Variants in VWC2 observed in about 807,000 individuals in gnomAD.
VWC2 encodes the protein brorin.
Under a neutral mutation model 29.8 loss-of-function variants are expected in VWC2, and 14 were observed. The ratio of observed to expected loss-of-function variants is 0.47; its 90% CI spans 0.31 to 0.74. VWC2 has a LOEUF of 0.74. Among genes scored for constraint, VWC2 ranks in the 30% least tolerant of loss-of-function variants. VWC2 has a pLI of 0.05. For missense variants in VWC2, 457 were observed against 459.8 expected (o/e 0.99, Z 0.05); for synonymous variants, 213 against 199.0 (o/e 1.07, Z -0.59).
intron 3 of VWC2, among the ~76,000 whole-genome samples, chr7:49,814,054 A>C (rs1789074131): frequency 6.6e-6 from 1 of 152,218 alleles, no homozygotes; most frequent in Admixed American, 6.5e-5. Context: ...AACATAAGTC[A>C]AGAACTCTAC....
intron 3 of VWC2, among the ~76,000 whole-genome samples, chr7:49,862,300 CT>C (rs147122195): frequency 6.6e-6 from 1 of 152,004 alleles, no homozygotes; most frequent in Non-Finnish European, 1.5e-5. Context: ...GAAAAACAGC[CT>C]TTTTTTGTGT....
intron 3 of VWC2, among the ~76,000 whole-genome samples, chr7:49,852,849 T>C (rs1373190340): frequency 6.6e-6 from 1 of 152,200 alleles, no homozygotes. Flanking sequence ...AGTGACTGGC[T>C]CCTTGAACTA....
intron 3 of VWC2, among the ~76,000 whole-genome samples, chr7:49,851,031 C>T (rs939297326): frequency 6.6e-6 from 1 of 152,190 alleles, no homozygotes; most frequent in African/African-American, 2.4e-5. Flanking sequence ...GGCCAGAAGT[C>T]TAAAGTAGAT....
intron 2 of VWC2, among the ~76,000 whole-genome samples, chr7:49,786,032 A>T (rs1221376688): frequency 2.0e-5 from 3 of 152,176 alleles, no homozygotes; most frequent in African/African-American, 7.2e-5. Flanking sequence ...GGTATTTGTT[A>T]CCTGGGTATA....
chr7:49,869,380 G>A (rs1216757144), intron 3 of VWC2, among the ~76,000 whole-genome samples: 1 of 152,182 alleles, frequency 6.6e-6, no homozygotes, highest in Non-Finnish European at 1.5e-5. Flanking sequence ...TGGCCAGGAG[G>A]AGAAGGGGAG....
At chr7:49,836,261 T>C (rs1440516410) in intron 3 of VWC2, among the ~76,000 whole-genome samples, 1 of 152,138 alleles carries the variant, frequency 6.6e-6, no homozygotes, top group Non-Finnish European at 1.5e-5. Context: ...ATGTGTAGGC[T>C]GATGGTTTGC....
intron 3 of VWC2, 145 bp from the exon 4 acceptor site, chr7:49,911,887 ACT>A: frequency 1.6e-6 from 1 of 615,442 alleles, no homozygotes; most frequent in Admixed American, 4.0e-5. Flanking sequence ...ATAGAGCAAG[ACT>A]CTGTCTCAAA....
intron 3 of VWC2, among the ~76,000 whole-genome samples, chr7:49,824,745 T>C (rs1362266564): frequency 6.6e-6 from 1 of 152,172 alleles, no homozygotes; most frequent in Admixed American, 6.5e-5. Flanking sequence ...ATTTATGGTT[T>C]TTATTATACA....
At chr7:49,793,205 A>G (rs1788505344) in intron 2 of VWC2, among the ~76,000 whole-genome samples, 1 of 152,214 alleles carries the variant, frequency 6.6e-6, no homozygotes, top group Non-Finnish European at 1.5e-5. Context: ...GACCTTTGAT[A>G]TGGAACAAAT....
intron 3 of VWC2, among the ~76,000 whole-genome samples, chr7:49,888,809 G>A (rs1792008861): frequency 6.6e-6 from 1 of 152,168 alleles, no homozygotes; most frequent in Non-Finnish European, 1.5e-5. Flanking sequence ...TACTTTGGGG[G>A]CCGAGGCAGG....
intron 3 of VWC2, among the ~76,000 whole-genome samples, chr7:49,885,355 T>A (rs1332584344): frequency 6.6e-6 from 1 of 152,064 alleles, no homozygotes; most frequent in Non-Finnish European, 1.5e-5. Context: ...TTAAAAAATA[T>A]CTCTGAAAGT....
Position 49,842,263 on chromosome 7 carries a change from A to G in VWC2, c.826+39423A>G, listed in dbSNP as rs149810047. Among the ~76,000 whole-genome samples the G allele has an allele frequency of 7.9e-3, 1,196 of 152,340 alleles. 25 individuals are homozygous for G. The highest frequency in any genetic ancestry group is 0.027 in the African/African-American group (1,135 of 41,562). On this transcript the variant is annotated intron_variant, in intron 3 of 3. Coordinates refer to ENST00000340652, the MANE Select transcript of VWC2 (RefSeq NM_198570.5). ...GATATGCATGAACTAGTAAATGGCT[A>G]TTGCAGTGCCATAGCTCATGAGAGA...
chr7:49,800,969 C>T (rs1788724982), intron 2 of VWC2, among the ~76,000 whole-genome samples: 1 of 151,938 alleles, frequency 6.6e-6, no homozygotes, highest in Non-Finnish European at 1.5e-5. Context: ...CATTGCCAAC[C>T]AGGTCAGTGT....
At chr7:49,901,734 C>T (rs142770163) in intron 3 of VWC2, among the ~76,000 whole-genome samples, 7 of 151,686 alleles carry the variant, frequency 4.6e-5, no homozygotes, top group East Asian at 1.9e-4. Context: ...ATAGCCAACA[C>T]GATATTGAAA....
At chr7:49,782,095 G>A (rs1172970679) in intron 2 of VWC2, among the ~76,000 whole-genome samples, 3 of 152,156 alleles carry the variant, frequency 2.0e-5, no homozygotes, top group Admixed American at 6.5e-5. Context: ...TTTGACAAGC[G>A]GGAGGTTCAT....
chr7:49,835,262 T>C (rs183787174), intron 3 of VWC2, among the ~76,000 whole-genome samples: 6 of 152,292 alleles, frequency 3.9e-5, no homozygotes, highest in African/African-American at 1.4e-4. Context: ...CAAGCAGTAA[T>C]TATTTAGTTC....
chr7:49,840,245 A>G (rs993014730), intron 3 of VWC2, among the ~76,000 whole-genome samples: 17 of 152,256 alleles, frequency 1.1e-4, no homozygotes, highest in African/African-American at 3.6e-4. Flanking sequence ...AATGTAAACT[A>G]TGAAAATGAC....
rs1052425609 is a variant in VWC2, at chr7:49,856,869, C to T, written c.826+54029C>T. On this transcript the variant is annotated intron_variant, in intron 3 of 3. Coordinates refer to ENST00000340652, the MANE Select transcript of VWC2 (RefSeq NM_198570.5). ...CTAAAAATACAAAAAATTAGCTGGGCGTGGTGGCGGGCGCCTGTAGTCCCA... is the reference window on the plus strand; with the variant it reads ...CTAAAAATACAAAAAATTAGCTGGGTGTGGTGGCGGGCGCCTGTAGTCCCA... Among the ~76,000 whole-genome samples the T allele has an allele frequency of 1.1e-4, 17 of 151,776 alleles. 1 individual carries two copies. The East Asian group carries it at 2.3e-3, about 21-fold the overall frequency.
In VWC2 at chr7:49,812,322, A is replaced by G. The variant is rs144802152; in HGVS notation, c.826+9482A>G. On this transcript the variant is annotated intron_variant, in intron 3 of 3. Coordinates refer to ENST00000340652, the MANE Select transcript of VWC2 (RefSeq NM_198570.5). ...TGGTATGTAAAATATTCCTGAATAAACCTTCTAAAAATCTTGACCCTCTTA... is the reference window on the plus strand; with the variant it reads ...TGGTATGTAAAATATTCCTGAATAAGCCTTCTAAAAATCTTGACCCTCTTA... 4.9e-3 allele frequency among the ~76,000 whole-genome samples: 748 copies of G among 152,302 alleles called. 3 individuals are homozygous for G. The highest frequency in any genetic ancestry group is 0.017 in the African/African-American group (699 of 41,566).
Sources: allele counts gnomAD v4.1 joint callset (sites outside exome capture counted in the v4.1 genomes callset), GRCh38; gene constraint gnomAD v4.1.1; transcripts MANE v1.5; gene names NCBI Gene and HGNC (gene_info 2026-07-23, HGNC 2026-07-21).